PRKG1: variants seen among roughly 807,000 people sequenced by gnomAD.
PRKG1 encodes the protein protein kinase cGMP-dependent 1.
PRKG1 carries 35 observed loss-of-function variants against 88.1 expected under a neutral mutation model. The ratio of observed to expected loss-of-function variants is 0.40; its 90% confidence interval spans 0.30 to 0.53. PRKG1 has a LOEUF of 0.53. Among genes scored for constraint, PRKG1 ranks in the 20% least tolerant of loss-of-function variants. The pLI is 0.59. For missense variants in PRKG1, 540 were observed against 839.8 expected (o/e 0.64, Z 4.41); for synonymous variants, 303 against 292.5 (o/e 1.04, Z -0.37).
At chr10:51,638,514 A>G (rs974715153) in intron 3 of PRKG1, among the ~76,000 whole-genome samples, 1 of 152,208 alleles carries the variant, frequency 6.6e-6, no homozygotes, top group African/African-American at 2.4e-5. Flanking sequence ...TGCTGTGCCA[A>G]ATGCTCCAGT....
intron 5 of PRKG1, among the ~76,000 whole-genome samples, chr10:51,925,687 C>G (rs182934185): frequency 6.6e-6 from 1 of 152,186 alleles, no homozygotes; most frequent in East Asian, 1.9e-4. Flanking sequence ...GATCACTTTT[C>G]CCCTAGATTT....
chr10:51,698,840 G>A (rs138223207), intron 3 of PRKG1: 15 of 1,614,064 alleles, frequency 9.3e-6, no homozygotes, highest in Non-Finnish European at 1.3e-5. Flanking sequence ...CTGAGGCTGA[G>A]GAGCTGGAGG....
intron 2 of PRKG1, among the ~76,000 whole-genome samples, chr10:51,331,647 C>T (rs1841745057): frequency 6.6e-6 from 1 of 152,122 alleles, no homozygotes; most frequent in Non-Finnish European, 1.5e-5. Context: ...TATTGTGCTG[C>T]AACTACATAC....
At position 51,101,081 on chromosome 10, in the gene PRKG1, T is replaced by C. The variant is rs1231532464; in HGVS notation, c.311+26180T>C. Among the ~76,000 whole-genome samples, 8 of 152,148 alleles carry C rather than the reference T, an allele frequency of 5.3e-5. No homozygotes were observed. The East Asian group carries it at 1.5e-3, about 29-fold the overall frequency. On this transcript the variant is annotated intron_variant, in intron 1 of 17. Transcript: ENST00000373980. Reference sequence around the variant, plus strand: ...GGAAATTTTTTTTCCTGTTACTGAATATTTGTGTTTCTACCCCACACGAGA... The same window carrying C: ...GGAAATTTTTTTTCCTGTTACTGAACATTTGTGTTTCTACCCCACACGAGA...
At chr10:51,516,102 T>A (rs767040525) in intron 3 of PRKG1, among the ~76,000 whole-genome samples, 1 of 152,092 alleles carries the variant, frequency 6.6e-6, no homozygotes, top group Admixed American at 6.5e-5. Context: ...CCAAGAGGAA[T>A]GGGGTCACGT....
intron 9 of PRKG1, among the ~76,000 whole-genome samples, chr10:52,193,556 A>C (rs573555433): frequency 0.013 from 380 of 28,626 alleles, 3 homozygotes; most frequent in African/African-American, 0.025. Context: ...CTCAAAAAAA[A>C]AAAAAACAAA....
Position 51,993,446 on chromosome 10 carries a change from T to C in PRKG1, c.763-61038T>C, listed in dbSNP as rs111279035. Among the ~76,000 whole-genome samples the C allele has an allele frequency of 3.2e-3, 484 of 152,308 alleles. 1 individual carries two copies. Among genetic ancestry groups the C allele is most frequent in the African/African-American group, 0.011 (469 of 41,572 alleles). On this transcript the variant is annotated intron_variant, in intron 5 of 17. Coordinates refer to ENST00000373980, the MANE Select transcript of PRKG1 (RefSeq NM_006258.4). ...GAGCATTAATAAAAGCCCCCACTTATTGAGCTTATTTTATGTAATGCTTAT... is the reference window on the plus strand; with the variant it reads ...GAGCATTAATAAAAGCCCCCACTTACTGAGCTTATTTTATGTAATGCTTAT...
chr10:51,552,297 T>G (rs1837159283), intron 3 of PRKG1, among the ~76,000 whole-genome samples: 1 of 151,684 alleles, frequency 6.6e-6, no homozygotes, highest in Non-Finnish European at 1.5e-5. Context: ...TTTCATTTTC[T>G]TTCTATTTAG....
chr10:52,248,654 T>C (rs748082708), intron 9 of PRKG1, among the ~76,000 whole-genome samples: 23 of 152,126 alleles, frequency 1.5e-4, no homozygotes, highest in Non-Finnish European at 2.6e-4. Context: ...TTCCCGTATA[T>C]AGGGAAGTAT....
intron 4 of PRKG1, among the ~76,000 whole-genome samples, chr10:51,865,588 A>T (rs905808238): frequency 6.6e-6 from 1 of 152,022 alleles, no homozygotes; most frequent in Admixed American, 6.6e-5. Context: ...ATGTAATTTC[A>T]TTTAGAGTAT....
At chr10:51,556,257 T>G (rs12255211) in intron 3 of PRKG1, among the ~76,000 whole-genome samples, 1 of 151,984 alleles carries the variant, frequency 6.6e-6, no homozygotes, top group East Asian at 1.9e-4. Flanking sequence ...GAAGTAAAGT[T>G]GCTTTCTGAT....
intron 7 of PRKG1, among the ~76,000 whole-genome samples, chr10:52,088,349 TAATA>T: frequency 6.7e-6 from 1 of 150,284 alleles, no homozygotes; most frequent in East Asian, 1.9e-4. Context: ...TATTAATATA[TAATA>T]AATTGATATT....
intron 5 of PRKG1, among the ~76,000 whole-genome samples, chr10:51,981,623 G>A (rs1163634188): frequency 6.8e-6 from 1 of 146,804 alleles, no homozygotes; most frequent in Admixed American, 6.7e-5. Context: ...ATAAAAAAAA[G>A]AATATTTAAT....
chr10:51,088,392 G>GTTTT (rs35801594), intron 1 of PRKG1, among the ~76,000 whole-genome samples: 1 of 138,410 alleles, frequency 7.2e-6, no homozygotes, highest in African/African-American at 2.7e-5. Context: ...TTGGTTTTCA[G>GTTTT]TTTTTTTTTT....
intron 2 of PRKG1, among the ~76,000 whole-genome samples, chr10:51,208,526 T>G (rs1838124198): frequency 6.6e-6 from 1 of 152,150 alleles, no homozygotes; most frequent in Non-Finnish European, 1.5e-5. Flanking sequence ...TTCTGTAATA[T>G]TAAGGATGAA....
At chr10:52,093,051 T>A (rs1301588231) in intron 7 of PRKG1, among the ~76,000 whole-genome samples, 1 of 152,118 alleles carries the variant, frequency 6.6e-6, no homozygotes, top group African/African-American at 2.4e-5. Context: ...TTCAGTAAAA[T>A]GGGATGATAA....
intron 10 of PRKG1, 38 bp downstream of exon 10, chr10:52,251,704 G>T: frequency 6.6e-7 from 1 of 1,507,444 alleles, no homozygotes; most frequent in Non-Finnish European, 9.1e-7. Context: ...GATCGCCTCT[G>T]CTTCCTTTTT....
At chr10:52,015,840 T>C (rs1297308160) in intron 5 of PRKG1, among the ~76,000 whole-genome samples, 1 of 152,160 alleles carries the variant, frequency 6.6e-6, no homozygotes, top group Non-Finnish European at 1.5e-5. Flanking sequence ...TCAACGGATC[T>C]TTAGGGCAGG....
At chr10:51,588,377 G>T (rs1159725727) in intron 3 of PRKG1, among the ~76,000 whole-genome samples, 1 of 151,160 alleles carries the variant, frequency 6.6e-6, no homozygotes, top group Non-Finnish European at 1.5e-5. Flanking sequence ...AAAAAGGCCT[G>T]CAGTTTTAAA....
Sources: gnomAD v4.1 joint callset for allele counts (sites outside exome capture counted in the v4.1 genomes callset) on GRCh38, gnomAD v4.1.1 for gene constraint, MANE v1.5 for transcripts, NCBI Gene and HGNC (gene_info 2026-07-23, HGNC 2026-07-21) for gene names.